The following DMD variants were observed in gnomAD, a reference collection of about 807,000 sequenced individuals.
The protein encoded by DMD is mutant dystrophin.
Under a neutral mutation model 330.1 loss-of-function variants are expected in DMD, and 63 were observed. The ratio of observed to expected loss-of-function variants is 0.19; its 90% CI spans 0.16 to 0.24. DMD has a LOEUF of 0.24. Ranked by LOEUF, DMD falls within the 10% of genes least tolerant of loss-of-function variation. DMD has a pLI of 1.00. For synonymous variants in DMD, 1,223 were observed against 959.8 expected (o/e 1.27, Z -5.07); for missense variants, 3,344 against 2,684.1 (o/e 1.25, Z -5.43).
At chrX:31,682,005 C>T (rs750567182) in intron 52 of DMD, among the ~76,000 whole-genome samples, 6 of 111,844 alleles carry the variant, frequency 5.4e-5, no homozygotes, top group East Asian at 5.6e-4. Flanking sequence ...CACTTGAACC[C>T]GGGAGGCAGA....
intron 2 of DMD, among the ~76,000 whole-genome samples, chrX:32,964,255 C>CAAAAAAAAAAAAAAAAAAAAA (rs781702491): frequency 3.1e-4 from 11 of 35,168 alleles, no homozygotes; most frequent in East Asian, 1.0e-3. Context: ...GACTCCATCT[C>CAAAAAAAAAAAAAAAAAAAAA]AAAAAAAAAA....
chrX:32,514,607 G>A (rs778504387), intron 18 of DMD, among the ~76,000 whole-genome samples: 10 of 112,132 alleles, frequency 8.9e-5, no homozygotes, highest in South Asian at 3.7e-4. Context: ...CGGGTGTGGT[G>A]GCGGGCGCCT....
In DMD at chrX:32,084,124, T is replaced by C. The variant is rs191703117; in HGVS notation, c.6439-115610A>G. Among the ~76,000 whole-genome samples the C allele has an allele frequency of 2.6e-3, 290 of 112,139 alleles. 1 individual carries two copies. The highest frequency in any genetic ancestry group is 8.9e-3 in the African/African-American group (275 of 30,872). ...CTTTAAATGTTTCTGAATTTTAATA[T>C]TGAAACCTCAAATCCTCACACACTC... On this transcript the variant is annotated intron_variant, in intron 44 of 78. Transcript: ENST00000357033.
intron 56 of DMD, among the ~76,000 whole-genome samples, chrX:31,500,171 T>C (rs939563239): frequency 7.1e-5 from 8 of 112,143 alleles, no homozygotes; most frequent in Non-Finnish European, 1.3e-4. Flanking sequence ...AGAGAATGAA[T>C]TAAAACAGCA....
At chrX:32,736,951 A>T (rs1005600538) in intron 7 of DMD, among the ~76,000 whole-genome samples, 4 of 111,452 alleles carry the variant, frequency 3.6e-5, no homozygotes, top group African/African-American at 9.8e-5. Context: ...ATTTCAGCAA[A>T]CCAAAATGTT....
At chrX:31,540,302 C>T (rs1028144115) in intron 55 of DMD, among the ~76,000 whole-genome samples, 2 of 111,830 alleles carry the variant, frequency 1.8e-5, no homozygotes, top group East Asian at 5.6e-4. Flanking sequence ...ACTTGCTTTG[C>T]AAATCAGTTT....
intron 1 of DMD, among the ~76,000 whole-genome samples, chrX:33,083,884 TCTACAGACACCCCACAATGGGG>T (rs201979733): frequency 0.029 from 3,179 of 109,927 alleles, 121 homozygotes; most frequent in African/African-American, 0.1. Context: ...CCATGCTGGA[TCTACAGACACCCCACAATGGGG>T]CTACAGACAC....
chrX:32,680,972 T>G (rs1053975293), intron 9 of DMD, among the ~76,000 whole-genome samples: 98 of 112,392 alleles, frequency 8.7e-4, no homozygotes, highest in African/African-American at 3.1e-3. Context: ...TTTACATCAC[T>G]TTTCACTGAT....
chrX:31,156,098 G>T (rs1765313228), intron 74 of DMD, among the ~76,000 whole-genome samples: 1 of 111,521 alleles, frequency 9.0e-6, no homozygotes, highest in Admixed American at 9.5e-5. Flanking sequence ...CATTAATAAG[G>T]ATAAGCTCAC....
intron 43 of DMD, among the ~76,000 whole-genome samples, chrX:32,256,805 G>A (rs750960764): frequency 8.1e-5 from 9 of 111,240 alleles, no homozygotes; most frequent in African/African-American, 2.6e-4. Context: ...ATTCTGGGTT[G>A]AAAATTCCCT....
chrX:31,997,880 T>C (rs1189783312), intron 44 of DMD, among the ~76,000 whole-genome samples: 1 of 111,861 alleles, frequency 8.9e-6, no homozygotes, highest in Non-Finnish European at 1.9e-5. Flanking sequence ...GAATGGTTTA[T>C]ATCATAAGAG....
chrX:32,638,227 A>G (rs1172457086), intron 11 of DMD, among the ~76,000 whole-genome samples: 1 of 111,858 alleles, frequency 8.9e-6, no homozygotes, highest in Non-Finnish European at 1.9e-5. Context: ...GAATCTTGCT[A>G]CTGCTTAATC....
At chrX:31,804,132 TG>T (rs2092203549) in intron 50 of DMD, among the ~76,000 whole-genome samples, 2 of 111,634 alleles carry the variant, frequency 1.8e-5, no homozygotes, top group Admixed American at 9.5e-5. Context: ...ACTTCTCTCC[TG>T]ACTCATATGC....
intron 67 of DMD, among the ~76,000 whole-genome samples, chrX:31,196,181 C>G (rs2042864325): frequency 9.0e-6 from 1 of 111,585 alleles, no homozygotes; most frequent in South Asian, 3.8e-4. Context: ...TGATAAGGGT[C>G]TTTTCTGAAA....
chrX:31,637,340 T>G (rs2079476260), intron 54 of DMD, among the ~76,000 whole-genome samples: 1 of 112,149 alleles, frequency 8.9e-6, no homozygotes, highest in Non-Finnish European at 1.9e-5. Flanking sequence ...TTAAAAGACC[T>G]AGATACTTTG....
At chrX:32,686,202 C>T (rs529739204) in intron 9 of DMD, among the ~76,000 whole-genome samples, 4 of 111,284 alleles carry the variant, frequency 3.6e-5, no homozygotes, top group African/African-American at 1.3e-4. Context: ...TATGTGCTGC[C>T]AGAATTCTAT....
At chrX:32,120,268 T>C (rs1428252818) in intron 44 of DMD, among the ~76,000 whole-genome samples, 1 of 112,062 alleles carries the variant, frequency 8.9e-6, no homozygotes, top group Non-Finnish European at 1.9e-5. Flanking sequence ...TTTCACAGCA[T>C]GATCAAGGCC....
intron 47 of DMD, among the ~76,000 whole-genome samples, chrX:31,916,375 C>A (rs1412214151): frequency 8.9e-6 from 1 of 111,943 alleles, no homozygotes; most frequent in African/African-American, 3.3e-5. Flanking sequence ...TAGGGGAAAG[C>A]CAGAAATGGG....
At chrX:31,331,935 G>A (rs769938223) in intron 61 of DMD, among the ~76,000 whole-genome samples, 1 of 112,158 alleles carries the variant, frequency 8.9e-6, no homozygotes, top group East Asian at 2.8e-4. Context: ...ATTAGAAAGC[G>A]AGAAGAGTGA....
Sources: gnomAD v4.1 joint callset for allele counts (sites outside exome capture counted in the v4.1 genomes callset) on GRCh38, gnomAD v4.1.1 for gene constraint, MANE v1.5 for transcripts, NCBI Gene and HGNC (gene_info 2026-07-23, HGNC 2026-07-21) for gene names.